The following WBP2NL variants were observed in gnomAD, a reference collection of about 807,000 sequenced individuals.
WBP2NL encodes the protein postacrosomal sheath WW domain-binding protein.
WBP2NL carries 27 observed loss-of-function variants against 23.3 expected under a neutral mutation model. The observed-to-expected ratio is 1.16, with a 90% CI of 0.85 to 1.60. The LOEUF (loss-of-function observed/expected upper bound fraction) is 1.60, where lower values mean the gene tolerates loss of function less well. WBP2NL is among the 40% of genes most tolerant of loss of function. The pLI is 0.00. For missense variants in WBP2NL, 370 were observed against 389.5 expected (o/e 0.95, Z 0.42); for synonymous variants, 151 against 145.9 (o/e 1.03, Z -0.25).
At chr22:42,035,548 C>T (rs774771476), downstream of WBP2NL, among the ~76,000 whole-genome samples, 2 of 152,218 alleles carry the variant, frequency 1.3e-5, no homozygotes, top group African/African-American at 4.8e-5. Flanking sequence ...CTGCAGCCAG[C>T]GTGATGGCAG....
chr22:42,021,789 C>CTTTTT (rs11413615), intron 4 of WBP2NL, among the ~76,000 whole-genome samples: 10 of 132,672 alleles, frequency 7.5e-5, no homozygotes, highest in Non-Finnish European at 9.6e-5. Context: ...TTCTTTCTTT[C>CTTTTT]TTTTTTTTTT....
Position 42,027,062 on chromosome 22 carries a change from G to T in WBP2NL, c.811G>T (p.Ala271Ser), listed in dbSNP as rs1386387352. Residue 271 changes from alanine to serine, a missense_variant, in exon 6 of 6, where the codon GCG (alanine) becomes TCG (serine). Ala to Ser is a moderately conservative substitution (Grantham distance 99, BLOSUM62 1). Transcript: ENST00000328823. ...ACCTGCAGGAAATGAAGGCCCGCCT[G>T]CGGGATACAGAGCCTCACCTGCTGG... ...APPAGNEGPP[A>S]GYRASPAGSG... 1.9e-6 allele frequency: 3 copies of T among 1,614,080 alleles called. No homozygotes were observed. The African/African-American group carries it at 4.0e-5, about 22-fold the overall frequency.
chr22:42,019,773 A>G lies in WBP2NL; in HGVS notation c.283A>G (p.Ile95Val), dbSNP rs1923707491. Residue 95 changes from isoleucine to valine, a missense_variant, in exon 3 of 6, where the codon ATT (isoleucine) becomes GTT (valine). Coordinates refer to ENST00000328823, the MANE Select transcript of WBP2NL (RefSeq NM_152613.3). Reference sequence around the variant, plus strand: ...ACAACCAGTATTTGCTGCAAACTTCATTAAGGGAACTATTCAGGCAGCTCC... The same window carrying G: ...ACAACCAGTATTTGCTGCAAACTTCGTTAAGGGAACTATTCAGGCAGCTCC... ...VEQPVFAANF[I>V]KGTIQAAPYG... 6.2e-7 allele frequency: 1 copy of G among 1,614,118 alleles called. No homozygotes were observed. Among genetic ancestry groups the G allele is most frequent in the African/African-American group, 1.3e-5 (1 of 74,940 alleles).
intron 8 of WBP2NL, among the ~76,000 whole-genome samples, chr22:42,039,179 C>T (rs956909327): frequency 2.0e-5 from 3 of 151,514 alleles, no homozygotes; most frequent in Admixed American, 6.6e-5. Flanking sequence ...TCAAGCAATT[C>T]TCTTGCCTCC....
chr22:42,049,712 A>C (rs1416100972), intron 8 of WBP2NL, among the ~76,000 whole-genome samples: 18 of 122,852 alleles, frequency 1.5e-4, no homozygotes, highest in African/African-American at 2.9e-4. Context: ...AAACAAAAAA[A>C]AAAAAAAAAA....
intron 8 of WBP2NL, among the ~76,000 whole-genome samples, chr22:42,045,416 C>T (rs1342582862): frequency 1.3e-5 from 2 of 152,022 alleles, no homozygotes; most frequent in Non-Finnish European, 2.9e-5. Context: ...GGCGACAGAG[C>T]GAGACTGTCT....
chr22:42,056,553 G>C (rs1375548898), intron 8 of WBP2NL, among the ~76,000 whole-genome samples: 1 of 152,068 alleles, frequency 6.6e-6, no homozygotes, highest in Non-Finnish European at 1.5e-5. Context: ...TTTTATGTAG[G>C]GCAGGGTGGC....
chr22:42,032,675 C>T, downstream of WBP2NL: 1 of 453,180 alleles, frequency 2.2e-6, no homozygotes, highest in South Asian at 1.6e-5. Flanking sequence ...GATATTCTTC[C>T]TGGCCTTTGC....
At chr22:42,053,796 T>C (rs551397360) in intron 8 of WBP2NL, among the ~76,000 whole-genome samples, 2 of 152,336 alleles carry the variant, frequency 1.3e-5, no homozygotes, top group East Asian at 1.9e-4. Flanking sequence ...TAGCCATTTG[T>C]ATAACTCTTT....
intron 1 of WBP2NL, among the ~76,000 whole-genome samples, chr22:42,014,422 T>C (rs866206231): frequency 6.6e-6 from 1 of 152,094 alleles, no homozygotes; most frequent in African/African-American, 2.4e-5. Flanking sequence ...AGATAGGGTT[T>C]CACCATGTTG....
chr22:42,027,012 C>T lies in WBP2NL; in HGVS notation c.761C>T (p.Ala254Val). 6.2e-7 allele frequency: 1 copy of T among 1,613,232 alleles called. No homozygotes were observed. Among genetic ancestry groups the T allele is most frequent in the African/African-American group, 1.3e-5 (1 of 74,806 alleles). ...GGAACCCCACCTCTCGGATATGGAG[C>T]CCCACCTCTCGGATATGGAGCCCCA... ...GYGTPPLGYG[A>V]PPLGYGAPPA... The change falls in exon 6 of 6, where the codon GCC becomes GTC. Residue 254 changes from alanine to valine, a missense_variant. Physicochemically the swap from Ala to Val is moderately conservative, Grantham distance 64. Coordinates refer to ENST00000328823, the MANE Select transcript of WBP2NL (RefSeq NM_152613.3).
intron 5 of WBP2NL, among the ~76,000 whole-genome samples, chr22:42,023,632 C>A (rs926114546): frequency 3.7e-4 from 56 of 152,202 alleles, no homozygotes; most frequent in African/African-American, 1.3e-3. Flanking sequence ...GCTGGGACTA[C>A]CGGCGCCCGC....
chr22:42,042,130 T>G (rs1308094113), intron 8 of WBP2NL, among the ~76,000 whole-genome samples: 1 of 152,224 alleles, frequency 6.6e-6, no homozygotes, highest in East Asian at 1.9e-4. Context: ...CATTGTGATG[T>G]GTCTTGTTGT....
At chr22:42,049,976 C>CAAAAA (rs34787117) in intron 8 of WBP2NL, among the ~76,000 whole-genome samples, 3 of 84,418 alleles carry the variant, frequency 3.6e-5, no homozygotes, top group South Asian at 4.4e-4. Flanking sequence ...GACTCCGTCT[C>CAAAAA]AAAAAAAAAA....
At chr22:42,054,365 A>AT (rs1168731747) in intron 8 of WBP2NL, among the ~76,000 whole-genome samples, 3 of 131,146 alleles carry the variant, frequency 2.3e-5, no homozygotes, top group Non-Finnish European at 5.0e-5. Context: ...TTTTTTTTGT[A>AT]TTTTTAGTAG....
At chr22:42,024,820 T>G (rs1348626545) in intron 5 of WBP2NL, among the ~76,000 whole-genome samples, 1 of 122,360 alleles carries the variant, frequency 8.2e-6, no homozygotes, top group Non-Finnish European at 1.8e-5. Flanking sequence ...TTTTTTTTTT[T>G]GAGACAAAGT....
chr22:42,020,862 GTGTGTGTATATATATATATATATA>G (rs1368828349), intron 4 of WBP2NL, among the ~76,000 whole-genome samples: 127 of 33,958 alleles, frequency 3.7e-3, no homozygotes, highest in African/African-American at 0.021. Flanking sequence ...ATGTGTGTGT[GTGTGTGTATATATATATATATATA>G]TATATATATA....
chr22:42,010,046 T>C (rs1922662479), intron 1 of WBP2NL, among the ~76,000 whole-genome samples: 1 of 152,232 alleles, frequency 6.6e-6, no homozygotes, highest in Non-Finnish European at 1.5e-5. Flanking sequence ...TTCCTAAGTA[T>C]TTTATTCTTT....
At chr22:42,019,837 T>TC (rs770015622) in intron 3 of WBP2NL, 34 bp downstream of exon 3, 5 of 1,608,652 alleles carry the variant, frequency 3.1e-6, no homozygotes, top group Admixed American at 1.7e-5. Context: ...TATTTTTTTT[T>TC]CCCTCAAAAT....
Sources: allele counts gnomAD v4.1 joint callset (sites outside exome capture counted in the v4.1 genomes callset), GRCh38; gene constraint gnomAD v4.1.1; transcripts MANE v1.5; gene names NCBI Gene and HGNC (gene_info 2026-07-23, HGNC 2026-07-21).